ME3: variants seen among roughly 807,000 people sequenced by gnomAD.
The protein encoded by ME3 is NADP-dependent malic enzyme, mitochondrial.
Under a neutral mutation model 68.9 loss-of-function variants are expected in ME3, and 48 were observed. That is an observed-to-expected ratio of 0.70 (90% CI 0.55 to 0.89). The LOEUF is 0.89. ME3 is among the 40% of genes least tolerant of loss of function. The probability of loss-of-function intolerance (pLI) is 0.00; values close to 1 mark genes in which losing one functional copy is unlikely to be tolerated. For missense variants in ME3, 675 were observed against 797.4 expected (o/e 0.85, Z 1.85); for synonymous variants, 320 against 318.8 (o/e 1.00, Z -0.04).
Position 86,605,705 on chromosome 11 carries a change from C to A in ME3, c.184-45882G>T, listed in dbSNP as rs143173570. On this transcript the variant is annotated intron_variant, in intron 2 of 14. Transcript: ENST00000543262. ...GGCTCTGTTTAACGTTATTTAAAAT[C>A]TTTGTAACAACCCTTTAAAATAGAT... Among the ~76,000 whole-genome samples, 4 of 152,196 alleles carry A rather than the reference C, an allele frequency of 2.6e-5. No individual in the cohort carries two copies. The East Asian group carries it at 7.7e-4, about 29-fold the overall frequency.
intron 4 of ME3, among the ~76,000 whole-genome samples, chr11:86,518,747 A>G (rs549125549): frequency 1.1e-4 from 16 of 152,264 alleles, no homozygotes; most frequent in Admixed American, 3.3e-4. Flanking sequence ...CTGTGACCCT[A>G]TTTGGAATAG....
intron 2 of ME3, among the ~76,000 whole-genome samples, chr11:86,662,250 C>T (rs1473102638): frequency 1.3e-5 from 2 of 152,172 alleles, no homozygotes; most frequent in East Asian, 1.9e-4. Flanking sequence ...GAGTTCAAGA[C>T]TCAGTTCTGC....
At chr11:86,487,010 A>G (rs1377132672) in intron 7 of ME3, among the ~76,000 whole-genome samples, 2 of 152,202 alleles carry the variant, frequency 1.3e-5, no homozygotes, top group African/African-American at 4.8e-5. Context: ...CACTTGCAAC[A>G]TCCCTAATTG....
chr11:86,435,867 A>G, the ME3 span: 1 of 152,274 alleles, frequency 6.6e-6, no homozygotes, highest in Non-Finnish European at 1.5e-5. Flanking sequence ...CCTTGAATCA[A>G]CCAGTCATTG....
At chr11:86,512,126 T>C (rs527906740) in intron 4 of ME3, among the ~76,000 whole-genome samples, 1 of 152,326 alleles carries the variant, frequency 6.6e-6, no homozygotes, top group Admixed American at 6.5e-5. Context: ...ACCATGGTCT[T>C]CGTGAATTGC....
intron 2 of ME3, among the ~76,000 whole-genome samples, chr11:86,569,132 G>T (rs572889969): frequency 2.6e-5 from 4 of 152,302 alleles, no homozygotes; most frequent in African/African-American, 9.6e-5. Flanking sequence ...TTGTGTTCAC[G>T]GGGCAGGGTG....
intron 2 of ME3, among the ~76,000 whole-genome samples, chr11:86,607,443 A>G (rs1190598800): frequency 7.3e-6 from 1 of 137,338 alleles, no homozygotes; most frequent in Non-Finnish European, 1.6e-5. Flanking sequence ...CAATGAGTTG[A>G]GAGGCATAGT....
intron 4 of ME3, among the ~76,000 whole-genome samples, chr11:86,542,553 C>T (rs535652): frequency 0.16 from 24,571 of 151,904 alleles, 2,068 homozygotes; most frequent in East Asian, 0.26. Context: ...AGAAGGGTAT[C>T]AAAGATGGAA....
At chr11:86,617,505 A>T (rs1943056648) in intron 2 of ME3, among the ~76,000 whole-genome samples, 1 of 152,190 alleles carries the variant, frequency 6.6e-6, no homozygotes, top group Non-Finnish European at 1.5e-5. Context: ...CATTTCCTAA[A>T]GGTAGGTGTA....
At chr11:86,652,657 C>T (rs148141405) in intron 2 of ME3, among the ~76,000 whole-genome samples, 5,945 of 151,678 alleles carry the variant, frequency 0.039, 150 homozygotes, top group Non-Finnish European at 0.06. Flanking sequence ...AGTGTAAAGA[C>T]CATCCACGCT....
intron 2 of ME3, among the ~76,000 whole-genome samples, chr11:86,647,848 C>T (rs563565102): frequency 2.0e-4 from 31 of 152,218 alleles, no homozygotes; most frequent in African/African-American, 6.5e-4. Context: ...GACAGATCAA[C>T]GAGACATAAA....
intron 7 of ME3, among the ~76,000 whole-genome samples, chr11:86,483,046 T>C (rs1171538903): frequency 6.6e-6 from 1 of 152,252 alleles, no homozygotes; most frequent in Non-Finnish European, 1.5e-5. Context: ...CTTGGAATCT[T>C]ATCTCCTTGT....
chr11:86,608,274 G>T (rs1418872142), intron 2 of ME3, among the ~76,000 whole-genome samples: 1 of 152,102 alleles, frequency 6.6e-6, no homozygotes, highest in African/African-American at 2.4e-5. Flanking sequence ...AAGAAATACT[G>T]CCGTGTACCT....
intron 7 of ME3, among the ~76,000 whole-genome samples, chr11:86,480,747 C>T (rs1390447432): frequency 1.3e-5 from 2 of 152,182 alleles, no homozygotes; most frequent in East Asian, 1.9e-4. Flanking sequence ...TGAAGTTCCT[C>T]AGGGCAAAGG....
intron 8 of ME3, chr11:86,457,499 T>A: frequency 1.9e-6 from 2 of 1,051,632 alleles, no homozygotes; most frequent in Non-Finnish European, 2.3e-6. Context: ...ATTTCTGCAC[T>A]TGGTACAGGC....
chr11:86,599,330 C>A (rs544120336), intron 2 of ME3, among the ~76,000 whole-genome samples: 1 of 152,248 alleles, frequency 6.6e-6, no homozygotes, highest in South Asian at 2.1e-4. Context: ...CCGATGCAAT[C>A]AACTGGAAGA....
At chr11:86,605,139 A>G (rs562449232) in intron 2 of ME3, among the ~76,000 whole-genome samples, 3 of 152,276 alleles carry the variant, frequency 2.0e-5, no homozygotes, top group South Asian at 2.1e-4. Flanking sequence ...ACTTAACACA[A>G]TGTTTTTGAG....
chr11:86,588,789 C>T (rs1958886367), intron 2 of ME3, among the ~76,000 whole-genome samples: 1 of 152,154 alleles, frequency 6.6e-6, no homozygotes, highest in Admixed American at 6.5e-5. Context: ...GCCTGGGTTT[C>T]CCTAAGGTTT....
intron 2 of ME3, among the ~76,000 whole-genome samples, chr11:86,572,808 C>T (rs1957876083): frequency 6.6e-6 from 1 of 152,140 alleles, no homozygotes. Context: ...AATGGGATTG[C>T]TGGGTCAAAT....
Sources: gnomAD v4.1 joint callset for allele counts (sites outside exome capture counted in the v4.1 genomes callset) on GRCh38, gnomAD v4.1.1 for gene constraint, MANE v1.5 for transcripts, NCBI Gene and HGNC (gene_info 2026-07-23, HGNC 2026-07-21) for gene names.